MCF2: variants seen among roughly 807,000 people sequenced by gnomAD.
The protein encoded by MCF2 is MCF.2 cell line derived transforming sequence.
Under a neutral mutation model 82.5 loss-of-function variants are expected in MCF2, and 44 were observed. That is an observed-to-expected ratio of 0.53 (90% CI 0.42 to 0.69). The LOEUF (loss-of-function observed/expected upper bound fraction) is 0.69. MCF2 is among the 30% of genes least tolerant of loss of function. The probability of loss-of-function intolerance (pLI) is 0.00; values close to 1 mark genes in which losing one functional copy is unlikely to be tolerated. For synonymous variants in MCF2, 217 were observed against 224.9 expected, an observed-to-expected ratio of 0.96 and a Z score of 0.32; for missense variants, 623 against 663.1, an observed-to-expected ratio of 0.94 and a Z score of 0.66.
At chrX:139,661,108 T>C (rs12556003) in intron 1 of MCF2, among the ~76,000 whole-genome samples, 6,341 of 111,484 alleles carry the variant, frequency 0.057, 191 homozygotes, top group Non-Finnish European at 0.086. Context: ...AAGCTGAGCC[T>C]TCAAAATTGA....
intron 3 of MCF2, 58 bp from the exon 7 acceptor site, chrX:139,629,902 C>T: frequency 9.9e-7 from 1 of 1,010,105 alleles, no homozygotes; most frequent in Non-Finnish European, 1.4e-6. Flanking sequence ...ATATCAAAAA[C>T]TGGATCAGTA....
intron 20 of MCF2, among the ~76,000 whole-genome samples, 156 bp from the exon 25 acceptor site, chrX:139,588,594 T>C (rs187400981): frequency 2.7e-5 from 3 of 111,281 alleles, no homozygotes; most frequent in Non-Finnish European, 5.6e-5. Flanking sequence ...AAAATTTTTA[T>C]GAAGCAAATA....
chrX:139,691,803 G>A (rs929092852), intron 1 of MCF2: 17 of 565,962 alleles, frequency 3.0e-5, no homozygotes, highest in Middle Eastern at 5.4e-4. Flanking sequence ...GCGCGGGGAG[G>A]GGTGTGGACT....
upstream of MCF2, chrX:139,645,778 G>A (rs947236195): frequency 6.7e-6 from 3 of 447,589 alleles, no homozygotes; most frequent in South Asian, 4.1e-5. Context: ...AGACAGATTT[G>A]GAATTGGAAA....
chrX:139,613,388 C>T (rs1217103080), intron 10 of MCF2, 125 bp from the exon 14 acceptor site: 4 of 496,584 alleles, frequency 8.1e-6, no homozygotes, highest in Non-Finnish European at 1.3e-5. Flanking sequence ...CTCAAAACTC[C>T]GTTCCTCAAC....
At chrX:139,699,521 C>A (rs1016029587) in intron 1 of MCF2, among the ~76,000 whole-genome samples, 47 of 112,127 alleles carry the variant, frequency 4.2e-4, no homozygotes, top group Non-Finnish European at 4.3e-4. Context: ...CACATCACCA[C>A]CAGCCCTAGG....
At chrX:139,654,433 T>C (rs1047793463) in intron 1 of MCF2, among the ~76,000 whole-genome samples, 2 of 112,364 alleles carry the variant, frequency 1.8e-5, no homozygotes, top group Non-Finnish European at 3.8e-5. Context: ...GTCATTGTTA[T>C]GTCTTCTTTT....
chrX:139,635,501 CA>C, intron 1 of MCF2, among the ~76,000 whole-genome samples: 1 of 110,119 alleles, frequency 9.1e-6, no homozygotes, highest in Admixed American at 9.7e-5. Context: ...ACTAAAAATA[CA>C]AAAAATTAGC....
chrX:139,690,338 G>GTTTTTTTTTTTTTTT (rs145515088), intron 1 of MCF2, among the ~76,000 whole-genome samples: 1 of 75,753 alleles, frequency 1.3e-5, no homozygotes, highest in African/African-American at 4.9e-5. Flanking sequence ...CTCCAAAGGA[G>GTTTTTTTTTTTTTTT]TTTTTTTTTT....
rs759600755 is a variant in MCF2 at position 139,670,891 on chromosome X, G to A, written c.-44-19103C>T. Among the ~76,000 whole-genome samples, 4 of 111,964 alleles carry A rather than the reference G, an allele frequency of 3.6e-5. No individual in the cohort carries two copies. In the South Asian group the frequency reaches 1.5e-3, roughly 43 times the overall value. ...TAGATGCTTGAGGAATTGTGACACT[G>A]TCTTCCACAATGGTTGAAGTAGTTT... On this transcript the variant is annotated intron_variant, in intron 1 of 27. Transcript: ENST00000414978.
At chrX:139,690,530 T>A (rs749721082) in intron 1 of MCF2, among the ~76,000 whole-genome samples, 8 of 110,219 alleles carry the variant, frequency 7.3e-5, no homozygotes, top group Non-Finnish European at 1.3e-4. Context: ...CCTTAATGAT[T>A]TATTACATCT....
intron 1 of MCF2, among the ~76,000 whole-genome samples, chrX:139,659,329 C>A (rs1241431552): frequency 9.0e-6 from 1 of 110,888 alleles, no homozygotes; most frequent in Non-Finnish European, 1.9e-5. Context: ...AAAACTATTT[C>A]TCTGAGAGTC....
At chrX:139,701,227 G>C (rs1935490196) in intron 1 of MCF2, among the ~76,000 whole-genome samples, 1 of 111,716 alleles carries the variant, frequency 9.0e-6, no homozygotes, top group African/African-American at 3.3e-5. Context: ...ACCCCCACCA[G>C]TTTTTCTAGA....
intron 1 of MCF2, among the ~76,000 whole-genome samples, chrX:139,679,895 G>A (rs905252711): frequency 7.3e-5 from 8 of 109,576 alleles, no homozygotes; most frequent in Non-Finnish European, 1.9e-5. Context: ...CCAAGGATGA[G>A]AGCAATATGA....
At chrX:139,630,301 C>T (rs1047273061) in intron 3 of MCF2, among the ~76,000 whole-genome samples, 13 of 111,311 alleles carry the variant, frequency 1.2e-4, no homozygotes, top group Admixed American at 9.6e-5. Flanking sequence ...ATTAGCATTC[C>T]AAACAAGGTG....
chrX:139,669,683 C>T (rs1934625279), intron 1 of MCF2, among the ~76,000 whole-genome samples: 1 of 111,924 alleles, frequency 8.9e-6, no homozygotes, highest in African/African-American at 3.2e-5. Context: ...ACAAAAGCAG[C>T]ATATCCATAC....
chrX:139,669,104 C>T (rs1449903835), intron 1 of MCF2, among the ~76,000 whole-genome samples: 1 of 111,448 alleles, frequency 9.0e-6, no homozygotes, highest in Non-Finnish European at 1.9e-5. Flanking sequence ...AGATGACGTA[C>T]AGAATAAGAG....
chrX:139,645,175 G>A (rs773414562), upstream of MCF2, among the ~76,000 whole-genome samples: 2 of 110,552 alleles, frequency 1.8e-5, 1 homozygote, highest in South Asian at 7.7e-4. Flanking sequence ...CTTATTTTGG[G>A]GTGGTTGGAT....
intron 1 of MCF2, among the ~76,000 whole-genome samples, chrX:139,682,642 T>C (rs368106515): frequency 4.5e-5 from 5 of 112,290 alleles, no homozygotes; most frequent in African/African-American, 1.3e-4. Context: ...ACACACTTGA[T>C]TGACAAATTG....
Sources: allele counts gnomAD v4.1 joint callset (sites outside exome capture counted in the v4.1 genomes callset), GRCh38; gene constraint gnomAD v4.1.1; transcripts MANE v1.5; gene names NCBI Gene and HGNC (gene_info 2026-07-23, HGNC 2026-07-21).